Variants in ZNF516 observed in about 807,000 individuals in gnomAD.
The protein encoded by ZNF516 is zinc finger protein 516.
ZNF516 carries 19 observed loss-of-function variants against 79.7 expected under a neutral mutation model. The ratio of observed to expected loss-of-function variants is 0.24; its 90% CI spans 0.17 to 0.35. The LOEUF is 0.35. Among genes scored for constraint, ZNF516 ranks in the 10% least tolerant of loss-of-function variants. The probability of loss-of-function intolerance (pLI) is 1.00; values close to 1 mark genes in which losing one functional copy is unlikely to be tolerated. For missense variants in ZNF516, 1,678 were observed against 1,679.5 expected (o/e 1.00, Z 0.02); for synonymous variants, 877 against 739.5 (o/e 1.19, Z -3.02).
rs72975914 is a variant in ZNF516, at chr18:76,423,649, G to A, written c.1810+17596C>T. ...GTGAAAGGGTCCCCCCGAAACACAC[G>A]CAGGTGAAAAGGCTCCCTCCTGAAA... On this transcript the variant is annotated intron_variant, in intron 3 of 6. Coordinates refer to ENST00000443185, the MANE Select transcript of ZNF516 (RefSeq NM_014643.4). Among the ~76,000 whole-genome samples the A allele has an allele frequency of 9.6e-3, 300 of 31,352 alleles. 3 individuals are homozygous for A. The highest frequency in any genetic ancestry group is 0.017 in the South Asian group (9 of 536). 20.6% of individuals were successfully genotyped at this position (31,352 alleles called of 152,430 possible).
In ZNF516 at chr18:76,424,493, C is replaced by T. The variant is rs570110971; in HGVS notation, c.1810+16752G>A. On this transcript the variant is annotated intron_variant, in intron 3 of 6. Transcript: ENST00000443185. ...TGAAAAGGTTCCCACATGAAACACA[C>T]GCAGGTGAAAAGGTTCCCCCATGAA... Among the ~76,000 whole-genome samples the T allele has an allele frequency of 8.9e-5, 13 of 145,332 alleles. No individual in the cohort carries two copies. In the South Asian group the frequency reaches 2.2e-3, roughly 25 times the overall value.
rs901906891 is a variant in ZNF516, at chr18:76,381,652, G to A, written c.1811-1349C>T. Among the ~76,000 whole-genome samples, 5 of 152,304 alleles carry A rather than the reference G, an allele frequency of 3.3e-5. No homozygotes were observed. The South Asian group carries it at 6.2e-4, about 19-fold the overall frequency. ...CTGAAGGCACTTGCCCAGATCTGAG[G>A]GACACGGTAACAAATGCTGGTTTTC... is the stretch of plus-strand genomic sequence containing the variant. On this transcript the variant is annotated intron_variant, in intron 3 of 6. Coordinates refer to ENST00000443185, the MANE Select transcript of ZNF516 (RefSeq NM_014643.4).
intron 1 of ZNF516, among the ~76,000 whole-genome samples, chr18:76,481,697 C>G (rs944134750): frequency 6.6e-6 from 1 of 152,336 alleles, no homozygotes; most frequent in South Asian, 2.1e-4. Context: ...GAATAATGCT[C>G]TGTTCATAGT....
intron 3 of ZNF516, among the ~76,000 whole-genome samples, chr18:76,424,398 C>G (rs1485048266): frequency 7.2e-6 from 1 of 138,112 alleles, no homozygotes; most frequent in Non-Finnish European, 1.6e-5. Flanking sequence ...CCGAAACACA[C>G]GCAGGTGAAA....
rs950726654 is a variant in ZNF516, at chr18:76,359,627, C to G, written c.*2871G>C. On this transcript the variant is annotated 3_prime_UTR_variant, in exon 7 of 7. Transcript: ENST00000443185. ...GCCCCAGCAGGGGCAGAGCGGGAAG[C>G]AGCGAGCGGAAAGCAGGGGAGAGAC... 6.6e-6 allele frequency: 1 copy of G among 152,136 alleles called. No individual in the cohort carries two copies. The highest frequency in any genetic ancestry group is 2.4e-5 in the African/African-American group (1 of 41,392). The allele number at this position is 152,136 out of a possible 1,614,324, so 9.4% of individuals were successfully genotyped here. A position where few individuals can be genotyped will look rare whatever the true frequency, so the allele number is the denominator to read the frequency against.
intron 1 of ZNF516, among the ~76,000 whole-genome samples, chr18:76,475,398 G>A (rs1263825561): frequency 6.6e-6 from 1 of 152,142 alleles, no homozygotes; most frequent in Non-Finnish European, 1.5e-5. Flanking sequence ...AGTTTTGCAG[G>A]GAACGTAAAA....
At chr18:76,491,188 C>A in intron 1 of ZNF516, 1 of 858,800 alleles carries the variant, frequency 1.2e-6, no homozygotes, top group Non-Finnish European at 1.4e-6. Flanking sequence ...GCCCCCGGAG[C>A]CCGGTCCACG....
At chr18:76,487,166 A>G (rs867841469) in intron 1 of ZNF516, among the ~76,000 whole-genome samples, 2 of 152,220 alleles carry the variant, frequency 1.3e-5, no homozygotes, top group African/African-American at 4.8e-5. Context: ...GAGAGCCACA[A>G]ATTACACTGC....
chr18:76,382,301 A>G (rs1002845121), intron 3 of ZNF516, among the ~76,000 whole-genome samples: 6 of 152,160 alleles, frequency 3.9e-5, no homozygotes, highest in African/African-American at 1.4e-4. Flanking sequence ...GAAAGAGGAA[A>G]CGTTAGCCTT....
rs144420016 is a variant in ZNF516 at position 76,365,040 on chromosome 18, T to C, written c.3433-2483A>G. Among the ~76,000 whole-genome samples, 751 of 152,328 alleles carry C rather than the reference T, an allele frequency of 4.9e-3. 7 individuals carry two copies. Among genetic ancestry groups the C allele is most frequent in the African/African-American group, 0.017 (713 of 41,572 alleles). On this transcript the variant is annotated intron_variant, in intron 6 of 6. Coordinates refer to ENST00000443185, the MANE Select transcript of ZNF516 (RefSeq NM_014643.4). ...ATCTGTGATGCTGAGACTCTGAAAG[T>C]GATACTGAAAATAGATTATGCATAT...
rs1296369693 is a variant in ZNF516, at chr18:76,459,342, C to T, written c.-158+3686G>A. On this transcript the variant is annotated intron_variant, in intron 2 of 6. Transcript: ENST00000443185. The surrounding 1 kb of genome is among the most constrained non-coding windows in gnomAD (Gnocchi z 5.0). ...GACAGCCCTGACCCGTGGCCACCATCCACTCAACATCATTGAGCCCTCCCA... is the reference window on the plus strand; with the variant it reads ...GACAGCCCTGACCCGTGGCCACCATTCACTCAACATCATTGAGCCCTCCCA... Among the ~76,000 whole-genome samples, 2 of 152,216 alleles carry T rather than the reference C, an allele frequency of 1.3e-5. No homozygotes were observed. The highest frequency in any genetic ancestry group is 4.8e-5 in the African/African-American group (2 of 41,458).
chr18:76,387,619 G>C (rs2075013192), intron 3 of ZNF516: 1 of 152,232 alleles, frequency 6.6e-6, no homozygotes, highest in Non-Finnish European at 1.5e-5. Context: ...TACTAAGCTG[G>C]TAATGTAGGA....
chr18:76,492,853 C>A, intron 1 of ZNF516: 1 of 985,858 alleles, frequency 1.0e-6, no homozygotes, highest in Non-Finnish European at 1.2e-6. Context: ...GCCCATGTAG[C>A]CGAACTGACT....
chr18:76,386,617 A>C (rs2074996594), intron 3 of ZNF516: 1 of 152,144 alleles, frequency 6.6e-6, no homozygotes, highest in Admixed American at 6.5e-5. Flanking sequence ...AAAACTTCTC[A>C]CCTCCCAACC....
chr18:76,490,718 G>T, intron 1 of ZNF516: 1 of 960,306 alleles, frequency 1.0e-6, no homozygotes, highest in Non-Finnish European at 1.2e-6. Flanking sequence ...CAGGCTGACG[G>T]GGGCAATGCC....
intron 3 of ZNF516, among the ~76,000 whole-genome samples, chr18:76,421,953 GTGTTT>G (rs886088038): frequency 3.1e-4 from 47 of 152,302 alleles, no homozygotes; most frequent in East Asian, 1.4e-3. Flanking sequence ...TTTAAGGCAA[GTGTTT>G]TGTTTTGTTT....
At chr18:76,428,168 C>G (rs982247931) in intron 3 of ZNF516, among the ~76,000 whole-genome samples, 2 of 151,840 alleles carry the variant, frequency 1.3e-5, no homozygotes, top group Non-Finnish European at 2.9e-5. Context: ...GGGGGATCAC[C>G]TGAGGTCAGG....
chr18:76,376,870 A>AC (rs2074795976), intron 4 of ZNF516, among the ~76,000 whole-genome samples: 1 of 152,126 alleles, frequency 6.6e-6, no homozygotes, highest in African/African-American at 2.4e-5. Flanking sequence ...GGAGGCGGCC[A>AC]CCGGGGGAAG....
At chr18:76,443,390 T>G (rs1911847011) in intron 2 of ZNF516, among the ~76,000 whole-genome samples, 179 bp from the exon 3 acceptor site, 1 of 152,100 alleles carries the variant, frequency 6.6e-6, no homozygotes, top group Admixed American at 6.5e-5. Context: ...AAAATCAGTA[T>G]CACTTAATTA....
Sources: gnomAD v4.1 joint callset for allele counts (sites outside exome capture counted in the v4.1 genomes callset) on GRCh38, gnomAD v4.1.1 for gene constraint, Gnocchi (gnomAD v3.1) non-coding constraint, MANE v1.5 for transcripts, NCBI Gene and HGNC (gene_info 2026-07-23, HGNC 2026-07-21) for gene names.